Variants in HTR2C observed in about 807,000 individuals in gnomAD.
HTR2C encodes the protein 5-hydroxytryptamine receptor 2C.
HTR2C carries 5 observed loss-of-function variants against 21.0 expected under a neutral mutation model. The ratio of observed to expected loss-of-function variants is 0.24; its 90% CI spans 0.12 to 0.50. HTR2C has a LOEUF of 0.50. Ranked by LOEUF, HTR2C falls within the 20% of genes least tolerant of loss-of-function variation. The probability of loss-of-function intolerance (pLI) is 0.98; values close to 1 mark genes in which losing one functional copy is unlikely to be tolerated. For synonymous variants in HTR2C, 150 were observed against 145.3 expected (o/e 1.03, Z -0.23); for missense variants, 271 against 371.2 (o/e 0.73, Z 2.22).
At chrX:114,751,248 A>G (rs944403030) in intron 4 of HTR2C, among the ~76,000 whole-genome samples, 3 of 98,647 alleles carry the variant, frequency 3.0e-5, no homozygotes, top group East Asian at 6.8e-4. Flanking sequence ...CCTACAGTAT[A>G]CCAAGCACAC....
At chrX:114,893,956 A>G (rs1193782700) in intron 5 of HTR2C, among the ~76,000 whole-genome samples, 2 of 111,994 alleles carry the variant, frequency 1.8e-5, no homozygotes, top group Non-Finnish European at 3.8e-5. Context: ...CTGTGATGAT[A>G]ATGCAACTTT....
chrX:114,727,073 C>G, intron 3 of HTR2C, 102 bp downstream of exon 3: 1 of 450,687 alleles, frequency 2.2e-6, no homozygotes, highest in Non-Finnish European at 3.5e-6. Flanking sequence ...CTATATTTGC[C>G]TAAATCTGCA....
At chrX:114,690,790 A>AT (rs1396145686) in intron 2 of HTR2C, among the ~76,000 whole-genome samples, 2 of 111,372 alleles carry the variant, frequency 1.8e-5, no homozygotes, top group Admixed American at 1.9e-4. Flanking sequence ...TGCTTGATTC[A>AT]TTTAAAGACA....
At chrX:114,725,369 G>C (rs1315054140) in intron 2 of HTR2C, among the ~76,000 whole-genome samples, 3 of 111,376 alleles carry the variant, frequency 2.7e-5, no homozygotes, top group Non-Finnish European at 3.8e-5. Context: ...AGCTCCATCA[G>C]CTCCTTTAAG....
intron 4 of HTR2C, among the ~76,000 whole-genome samples, chrX:114,756,514 C>G (rs917310312): frequency 8.9e-6 from 1 of 112,286 alleles, no homozygotes; most frequent in East Asian, 2.8e-4. Flanking sequence ...AAGGAATGAA[C>G]TATTGATTCT....
At chrX:114,747,342 T>C (rs1354875047) in intron 4 of HTR2C, among the ~76,000 whole-genome samples, 1 of 112,147 alleles carries the variant, frequency 8.9e-6, no homozygotes, top group Non-Finnish European at 1.9e-5. Flanking sequence ...GGATATCCAC[T>C]TTCACCACTC....
intron 2 of HTR2C, among the ~76,000 whole-genome samples, chrX:114,715,973 G>T (rs1368455404): frequency 2.7e-5 from 3 of 112,595 alleles, no homozygotes; most frequent in Non-Finnish European, 3.8e-5. Flanking sequence ...ATAAATATTT[G>T]AATATATGAA....
chrX:114,585,370 T>A (rs187848676), intron 1 of HTR2C, among the ~76,000 whole-genome samples: 6 of 111,361 alleles, frequency 5.4e-5, no homozygotes, highest in East Asian at 5.7e-4. Context: ...AACCTTTTTT[T>A]AAATAATTAA....
intron 5 of HTR2C, among the ~76,000 whole-genome samples, chrX:114,871,807 GT>G (rs35528456): frequency 0.11 from 10,691 of 97,220 alleles, 556 homozygotes; most frequent in Middle Eastern, 0.18. Context: ...TTAGTGGAAA[GT>G]TTTTTTTTTT....
Position 114,906,949 on chromosome X carries a change from A to G in HTR2C, c.911A>G (p.Asn304Ser), listed in dbSNP as rs782558692. 6.6e-6 allele frequency: 8 copies of G among 1,209,299 alleles called. No individual in the cohort carries two copies. In the African/African-American group the frequency reaches 1.2e-4, roughly 19 times the overall value. ...CCTAGGGGCACCATGCAGGCTATCA[A>G]CAATGAAAGAAAAGCTTCGAAAGTC... Reference protein sequence around the residue: ...RRPRGTMQAINNERKASKVLG... With the variant: ...RRPRGTMQAISNERKASKVLG... The change falls in exon 6 of 6, where the codon AAC becomes AGC. Residue 304 changes from asparagine to serine, a missense_variant. Coordinates refer to ENST00000276198, the MANE Select transcript of HTR2C (RefSeq NM_000868.4).
intron 4 of HTR2C, among the ~76,000 whole-genome samples, chrX:114,769,209 T>C (rs994425591): frequency 1.8e-5 from 2 of 111,513 alleles, no homozygotes; most frequent in East Asian, 5.6e-4. Context: ...CTTGAGGAAA[T>C]GATTTTATGC....
chrX:114,796,436 C>A (rs781916177), intron 4 of HTR2C, among the ~76,000 whole-genome samples: 9 of 111,233 alleles, frequency 8.1e-5, no homozygotes, highest in South Asian at 3.7e-4. Flanking sequence ...CAGCAGAGGT[C>A]GCTGAAAGGA....
rs1019227529 is a variant in HTR2C at position 114,743,744 on chromosome X, A to C, written c.349+12137A>C. 1.3e-4 allele frequency among the ~76,000 whole-genome samples: 15 copies of C among 111,993 alleles called. No individual in the cohort carries two copies. In the East Asian group the frequency reaches 4.2e-3, roughly 32 times the overall value. The stretch of plus-strand genomic sequence containing the variant: ...ATGATTGCCCCAATTTGGTGAAAGA[A>C]AAATTTAGAGATTCAAGAAATTCAG... On this transcript the variant is annotated intron_variant, in intron 4 of 5. Transcript: ENST00000276198.
At chrX:114,672,800 T>C (rs1184766536) in intron 2 of HTR2C, among the ~76,000 whole-genome samples, 4 of 112,514 alleles carry the variant, frequency 3.6e-5, no homozygotes, top group African/African-American at 1.3e-4. Context: ...AATATGCAGA[T>C]ATTGAGATTA....
At chrX:114,680,529 A>G (rs144046775) in intron 2 of HTR2C, among the ~76,000 whole-genome samples, 43 of 111,981 alleles carry the variant, frequency 3.8e-4, no homozygotes, top group African/African-American at 1.3e-3. Flanking sequence ...TTCTAGGGCT[A>G]TGGGACTTGT....
At chrX:114,674,844 T>G (rs1931497608) in intron 2 of HTR2C, among the ~76,000 whole-genome samples, 1 of 111,916 alleles carries the variant, frequency 8.9e-6, no homozygotes, top group Admixed American at 9.5e-5. Context: ...CTAAACTCTA[T>G]ACTGTCTCCA....
At chrX:114,703,661 A>C (rs1932643598) in intron 2 of HTR2C, among the ~76,000 whole-genome samples, 1 of 111,404 alleles carries the variant, frequency 9.0e-6, no homozygotes, top group African/African-American at 3.3e-5. Flanking sequence ...CTAGAAAAGC[A>C]AGAGCAAACA....
intron 2 of HTR2C, among the ~76,000 whole-genome samples, chrX:114,643,250 T>A (rs1930207893): frequency 9.0e-6 from 1 of 110,652 alleles, no homozygotes. Flanking sequence ...CCATTACTTT[T>A]TTTTTTTGCA....
At chrX:114,888,006 T>G (rs2071233068) in intron 5 of HTR2C, among the ~76,000 whole-genome samples, 1 of 110,904 alleles carries the variant, frequency 9.0e-6, no homozygotes, top group South Asian at 3.8e-4. Flanking sequence ...AGAGTGAGAC[T>G]CTAAAAAATA....
Sources: allele counts gnomAD v4.1 joint callset (sites outside exome capture counted in the v4.1 genomes callset), GRCh38; gene constraint gnomAD v4.1.1; transcripts MANE v1.5; gene names NCBI Gene and HGNC (gene_info 2026-07-23, HGNC 2026-07-21).